The following ECE2 variants were observed in gnomAD, a reference collection of about 807,000 sequenced individuals.
ECE2 encodes endothelin-converting enzyme 2.
In ECE2, 81 loss-of-function variants were observed where a neutral mutation model predicts 100.6. That is an observed-to-expected ratio of 0.81 (90% CI 0.67 to 0.97). The LOEUF (loss-of-function observed/expected upper bound fraction) is 0.97. Among genes scored for constraint, ECE2 ranks in the 50% least tolerant of loss-of-function variants. The pLI is 0.00. For missense variants in ECE2, 911 were observed against 988.1 expected, an observed-to-expected ratio of 0.92 and a Z score of 1.05; for synonymous variants, 391 against 391.5, an observed-to-expected ratio of 1.00 and a Z score of 0.02.
At chr3:184,281,271 T>C (rs1457512693) in intron 7 of ECE2, among the ~76,000 whole-genome samples, 2 of 152,224 alleles carry the variant, frequency 1.3e-5, no homozygotes, top group Non-Finnish European at 2.9e-5. Context: ...CGCTACACAG[T>C]TGTCCTGTTT....
In ECE2 at chr3:184,291,341, C is replaced by T. The variant is rs1721306948; in HGVS notation, c.2026-3C>T. ...GGCTTGTTGCCCACTGTTCTGTCCCCAGGCTTACAAAGCATGGCTGAGAAA... is the reference window on the plus strand; with the variant it reads ...GGCTTGTTGCCCACTGTTCTGTCCCTAGGCTTACAAAGCATGGCTGAGAAA... On this transcript the variant is annotated splice_region_variant and splice_polypyrimidine_tract_variant and intron_variant, in intron 17 of 18. Coordinates refer to ENST00000404464, the MANE Select transcript of ECE2 (RefSeq NM_001100121.2). This position sits in a 1 kb window ranked among gnomAD's most constrained non-coding sequence, Gnocchi z 4.1. The T allele has an allele frequency of 6.2e-7, 1 of 1,604,424 alleles. No homozygotes were observed. The highest frequency in any genetic ancestry group is 1.3e-5 in the African/African-American group (1 of 74,912).
intron 8 of ECE2, among the ~76,000 whole-genome samples, chr3:184,284,232 T>C (rs1720933283): frequency 6.6e-6 from 1 of 152,096 alleles, no homozygotes; most frequent in Non-Finnish European, 1.5e-5. Flanking sequence ...TAACAGTTTG[T>C]ATGAGATGTC....
At position 184,292,561 on chromosome 3, in the gene ECE2, G is replaced by A. The variant is rs189673882; in HGVS notation, c.*323G>A. ...TGTCCCCAGGCTCACTCAGCCTGGC[G>A]GCCATGGGGCCTGCCGTGCCTGCCC... is the stretch of plus-strand genomic sequence containing the variant. On this transcript the variant is annotated 3_prime_UTR_variant, in exon 19 of 19. Transcript: ENST00000404464. 5.1e-3 allele frequency: 1,953 copies of A among 380,654 alleles called. 11 individuals carry two copies. The highest frequency in any genetic ancestry group is 6.2e-3 in the Non-Finnish European group (1,273 of 204,500). The allele number at this position is 380,654 out of a possible 1,614,324, so 23.6% of individuals were successfully genotyped here.
chr3:184,285,571 G>A lies in ECE2; in HGVS notation c.1242G>A (p.Glu414=). The change falls in exon 10 of 19, where the codon GAG becomes GAA. Residue 414 remains glutamate, a synonymous_variant. Coordinates refer to ENST00000404464, the MANE Select transcript of ECE2 (RefSeq NM_001100121.2). ...RFESAQEKLL[E]TLYGTKKSCV... ...AGTCTGCACAAGAGAAGCTGCTGGA[G>A]ACCCTCTATGGCACTAAGAAGGTGG... The A allele has an allele frequency of 1.2e-6, 2 of 1,614,100 alleles. No homozygotes were observed. The highest frequency in any genetic ancestry group is 1.7e-6 in the Non-Finnish European group (2 of 1,179,944).
chr3:184,288,853 T>A (rs1257873453), intron 11 of ECE2, among the ~76,000 whole-genome samples: 1 of 152,170 alleles, frequency 6.6e-6, no homozygotes, highest in Non-Finnish European at 1.5e-5. Context: ...CTTTTCATAA[T>A]CAGATAAAAA....
chr3:184,285,136 T>G (rs775846556), intron 9 of ECE2, 31 bp downstream of exon 9: 4 of 1,600,910 alleles, frequency 2.5e-6, no homozygotes, highest in Non-Finnish European at 3.4e-6. Context: ...GAGGGTGGGT[T>G]CTGTGGAGGT....
In ECE2 at chr3:184,285,004, C is replaced by A; in HGVS notation, c.1047C>A (p.Phe349Leu). 1 of 1,614,160 alleles carries A rather than the reference C, an allele frequency of 6.2e-7. No individual in the cohort carries two copies. Among genetic ancestry groups the A allele is most frequent in the Non-Finnish European group, 8.5e-7 (1 of 1,180,030 alleles). Residue 349 changes from phenylalanine to leucine, a missense_variant, in exon 9 of 19, where the codon TTC becomes TTA. By Grantham distance (22) the Phe-to-Leu change is conservative. Coordinates refer to ENST00000404464, the MANE Select transcript of ECE2 (RefSeq NM_001100121.2). ...TGGACTGGCTTGAGTTCCTGTCTTT[C>A]TTGCTGTCACCATTGGAGTTGAGTG... ...PSMDWLEFLS[F>L]LLSPLELSDS...
chr3:184,279,180 G>A (rs999941392), intron 7 of ECE2, among the ~76,000 whole-genome samples: 1 of 151,690 alleles, frequency 6.6e-6, no homozygotes, highest in African/African-American at 2.4e-5. Context: ...CGTGGTGGCA[G>A]GCACCTGTAA....
Position 184,283,932 on chromosome 3 carries a change from G to A in ECE2, c.964G>A (p.Glu322Lys), listed in dbSNP as rs758806738. The A allele has an allele frequency of 1.9e-5, 31 of 1,613,876 alleles. No homozygotes were observed. Among genetic ancestry groups the A allele is most frequent in the Middle Eastern group, 3.3e-4 (2 of 6,080 alleles). Residue 322 changes from glutamate to lysine, a missense_variant, in exon 8 of 19, where the codon GAG (glutamate) becomes AAG (lysine). Transcript: ENST00000404464. ...ITVPQDQRRD[E>K]EKIYHKMSIS... ...AGTGCCCCAGGACCAGCGGCGCGAC[G>A]AGGAGAAGATCTACCACAAGATGAG...
Position 184,277,972 on chromosome 3 carries a change from C to G in ECE2, c.526C>G (p.Arg176Gly), listed in dbSNP as rs771043563. 1.2e-6 allele frequency: 2 copies of G among 1,613,514 alleles called. No homozygotes were observed. The highest frequency in any genetic ancestry group is 1.7e-6 in the Non-Finnish European group (2 of 1,180,032). Residue 176 changes from arginine (R) to glycine (G), a missense_variant, in exon 5 of 19, where the codon CGC becomes GGC. Arg to Gly is a moderately radical substitution (Grantham distance 125). Transcript: ENST00000404464. Reference protein sequence around the residue: ...SSSEAEQKTQRFYLSCLQVER... With the variant: ...SSSEAEQKTQGFYLSCLQVER... ...CAGTGAAGCTGAGCAGAAGACACAGCGCTTCTACCTATCTTGCCTACAGGT... is the reference window on the plus strand; with the variant it reads ...CAGTGAAGCTGAGCAGAAGACACAGGGCTTCTACCTATCTTGCCTACAGGT...
chr3:184,283,077 C>T (rs1230330526), intron 7 of ECE2, among the ~76,000 whole-genome samples: 1 of 152,076 alleles, frequency 6.6e-6, no homozygotes, highest in East Asian at 1.9e-4. Flanking sequence ...GGACAACTAG[C>T]AGGGATCTAG....
chr3:184,287,990 A>C (rs1721134363), intron 11 of ECE2, 43 bp downstream of exon 11: 2 of 1,574,732 alleles, frequency 1.3e-6, no homozygotes, highest in Non-Finnish European at 1.7e-6. Context: ...CTCAAAATTG[A>C]CTGTTCATGT....
chr3:184,279,656 CA>C (rs10652404), intron 7 of ECE2, among the ~76,000 whole-genome samples: 17,460 of 128,044 alleles, frequency 0.14, 1,289 homozygotes, highest in Middle Eastern at 0.22. Context: ...GACTTCATCT[CA>C]AAAAAAAAAA....
At chr3:184,287,135 G>A (rs1459739987) in intron 10 of ECE2, among the ~76,000 whole-genome samples, 2 of 151,966 alleles carry the variant, frequency 1.3e-5, no homozygotes, top group East Asian at 1.9e-4. Context: ...ATTTAGCCGG[G>A]CGTGGTGGCG....
chr3:184,285,818 A>G (rs756291734), intron 10 of ECE2, among the ~76,000 whole-genome samples: 14 of 152,166 alleles, frequency 9.2e-5, no homozygotes, highest in Non-Finnish European at 1.6e-4. Context: ...CTGCTCTGTA[A>G]AGCAGGAATA....
chr3:184,289,602 C>G lies in ECE2; in HGVS notation c.1474-39C>G. The G allele has an allele frequency of 6.2e-7, 1 of 1,613,230 alleles. No homozygotes were observed. The highest frequency in any genetic ancestry group is 8.5e-7 in the Non-Finnish European group (1 of 1,179,266). ...TTCAAGGATACAGTTTTGCTAGGAA[C>G]CTGGGGAAGGAAACAAACCCTTAAC... On this transcript the variant is annotated intron_variant, in intron 12 of 18. Transcript: ENST00000404464. This position sits in a 1 kb window ranked among gnomAD's most constrained non-coding sequence, Gnocchi z 4.1.
chr3:184,288,071 G>A, intron 11 of ECE2, 124 bp downstream of exon 11: 1 of 817,408 alleles, frequency 1.2e-6, no homozygotes, highest in South Asian at 1.6e-5. Context: ...AGCACTTTGG[G>A]AGGCCAAGGC....
Position 184,276,781 on chromosome 3 carries a change from G to A in ECE2, c.127-111G>A, listed in dbSNP as rs779545432. On this transcript the variant is annotated intron_variant, in intron 2 of 18. Transcript: ENST00000404464. The stretch of plus-strand genomic sequence containing the variant: ...CTCACTGGCTGGCCTCATTGCCCCC[G>A]GGCCCAGAGTTAACCCTGTGGCTCT... The A allele has an allele frequency of 7.0e-6, 11 of 1,563,900 alleles. 1 individual carries two copies. The South Asian group carries it at 9.6e-5, about 14-fold the overall frequency.
chr3:184,287,741 G>T, intron 10 of ECE2, 96 bp from the exon 11 acceptor site: 1 of 1,097,358 alleles, frequency 9.1e-7, no homozygotes, highest in Non-Finnish European at 1.4e-6. Flanking sequence ...CTCTTGTCCA[G>T]AGCTGAGAAG....
Sources: allele counts gnomAD v4.1 joint callset (sites outside exome capture counted in the v4.1 genomes callset), GRCh38; gene constraint gnomAD v4.1.1; non-coding constraint Gnocchi (gnomAD v3.1); transcripts MANE v1.5; gene names NCBI Gene and HGNC (gene_info 2026-07-23, HGNC 2026-07-21).